The following MXI1 variants were observed in gnomAD, a reference collection of about 807,000 sequenced individuals.
MXI1 encodes MAX interactor 1, dimerization protein.
MXI1 carries 18 observed loss-of-function variants against 36.9 expected under a neutral mutation model. The ratio of observed to expected loss-of-function variants is 0.49; its 90% CI spans 0.34 to 0.72. The LOEUF (loss-of-function observed/expected upper bound fraction) is 0.72. Ranked by LOEUF, MXI1 falls within the 30% of genes least tolerant of loss-of-function variation. The pLI is 0.01. For missense variants in MXI1, 304 were observed against 379.1 expected (o/e 0.80, Z 1.64); for synonymous variants, 160 against 146.7 (o/e 1.09, Z -0.65).
chr10:110,217,387 G>A (rs183932626), intron 1 of MXI1, among the ~76,000 whole-genome samples: 40 of 152,278 alleles, frequency 2.6e-4, no homozygotes, highest in African/African-American at 8.7e-4. Flanking sequence ...AAGGTGATTT[G>A]GGAGTAGGAA....
chr10:110,208,149 C>A, intron 1 of MXI1, 67 bp downstream of exon 1: 1 of 1,505,958 alleles, frequency 6.6e-7, no homozygotes, highest in Non-Finnish European at 8.9e-7. Context: ...TTGGGCGACC[C>A]CTGTTGCGAG....
intron 3 of MXI1, among the ~76,000 whole-genome samples, chr10:110,248,814 T>G (rs1460033705): frequency 6.6e-6 from 1 of 152,158 alleles, no homozygotes; most frequent in Non-Finnish European, 1.5e-5. Flanking sequence ...GATATAGAAT[T>G]AACTTTTCCA....
At chr10:110,227,530 G>A (rs1049631050) in intron 1 of MXI1, 5 of 986,918 alleles carry the variant, frequency 5.1e-6, no homozygotes, top group South Asian at 4.6e-5. Flanking sequence ...GGAGGGCCCC[G>A]GAGCGGGAGA....
At chr10:110,263,796 T>C (rs1194708712) in intron 3 of MXI1, among the ~76,000 whole-genome samples, 1 of 152,248 alleles carries the variant, frequency 6.6e-6, no homozygotes, top group Non-Finnish European at 1.5e-5. Context: ...TTCTCACAGC[T>C]ATTTAATTTG....
At chr10:110,261,162 C>G (rs769042905) in intron 3 of MXI1, 368 of 982,208 alleles carry the variant, frequency 3.7e-4, no homozygotes, top group Admixed American at 4.3e-4. Flanking sequence ...ATGTTGGAAT[C>G]TTTCTTCCTA....
intron 2 of MXI1, among the ~76,000 whole-genome samples, chr10:110,232,075 C>T (rs1359790639): frequency 6.6e-6 from 1 of 152,116 alleles, no homozygotes; most frequent in African/African-American, 2.4e-5. Flanking sequence ...ATTCTCCTGC[C>T]TCAGCCTCCC....
chr10:110,226,152 G>C, intron 1 of MXI1: 2 of 1,363,528 alleles, frequency 1.5e-6, no homozygotes, highest in East Asian at 6.2e-5. Context: ...CGCCTGCGGC[G>C]CCTCCTGTCG....
chr10:110,218,585 G>T lies in MXI1; in HGVS notation c.275-9604G>T, dbSNP rs1854717235. On this transcript the variant is annotated intron_variant, in intron 1 of 5. Coordinates refer to ENST00000332674, the MANE Select transcript of MXI1 (RefSeq NM_130439.3). ...AGAGTGGGCTGTCAGAACCTCCAGG[G>T]CCCTTTGGGTGTTGACAGTGGAGCC... is the stretch of plus-strand genomic sequence containing the variant. 2.0e-5 allele frequency among the ~76,000 whole-genome samples: 3 copies of T among 152,154 alleles called. No individual in the cohort carries two copies. In the South Asian group the frequency reaches 6.2e-4, roughly 31 times the overall value.
At chr10:110,256,695 T>C (rs1042215466) in intron 3 of MXI1, among the ~76,000 whole-genome samples, 1 of 147,474 alleles carries the variant, frequency 6.8e-6, no homozygotes, top group African/African-American at 2.5e-5. Context: ...GAATCAAAAC[T>C]ATAAGATACC....
intron 2 of MXI1, among the ~76,000 whole-genome samples, chr10:110,238,302 T>G (rs1042777155): frequency 6.6e-6 from 1 of 152,144 alleles, no homozygotes; most frequent in African/African-American, 2.4e-5. Flanking sequence ...CCATCCCCTA[T>G]CCTGAGTTAT....
chr10:110,285,080 T>G lies in MXI1; in HGVS notation c.*93T>G. On this transcript the variant is annotated 3_prime_UTR_variant, in exon 6 of 6. Coordinates refer to ENST00000332674, the MANE Select transcript of MXI1 (RefSeq NM_130439.3). Reference sequence around the variant, plus strand: ...AAATTGGGTTCATGATGCAGTCTCCTCTTTAAAACAAAACAAAACAAAACA... The same window carrying G: ...AAATTGGGTTCATGATGCAGTCTCCGCTTTAAAACAAAACAAAACAAAACA... 8.0e-7 allele frequency: 1 copy of G among 1,251,860 alleles called. No individual in the cohort carries two copies. Among genetic ancestry groups the G allele is most frequent in the South Asian group, 1.7e-5 (1 of 58,336 alleles). The allele number at this position is 1,251,860 out of a possible 1,614,324, so 77.5% of individuals were successfully genotyped here. A position where few individuals can be genotyped will look rare whatever the true frequency, so the allele number is the denominator to read the frequency against.
intron 3 of MXI1, among the ~76,000 whole-genome samples, chr10:110,278,314 G>A (rs556356510): frequency 3.3e-5 from 5 of 152,290 alleles, no homozygotes; most frequent in Admixed American, 2.6e-4. Flanking sequence ...TTTCCCACAG[G>A]AAGGATAGAT....
chr10:110,261,158 G>C (rs187346351), intron 3 of MXI1: 1 of 983,048 alleles, frequency 1.0e-6, no homozygotes, highest in African/African-American at 1.7e-5. Flanking sequence ...CAGTATGTTG[G>C]AATCTTTCTT....
intron 1 of MXI1, chr10:110,226,205 G>T (rs761764290): frequency 1.4e-6 from 2 of 1,475,558 alleles, no homozygotes; most frequent in South Asian, 1.3e-5. Context: ...GCCACCCGCG[G>T]TGCCCATGGA....
chr10:110,238,024 G>A (rs1237782321), intron 2 of MXI1, among the ~76,000 whole-genome samples: 2 of 152,138 alleles, frequency 1.3e-5, no homozygotes, highest in Non-Finnish European at 2.9e-5. Flanking sequence ...GAGAGGTCTG[G>A]GAGGAACCTG....
At chr10:110,278,211 C>T (rs1169617192) in intron 3 of MXI1, among the ~76,000 whole-genome samples, 1 of 152,174 alleles carries the variant, frequency 6.6e-6, no homozygotes, top group Non-Finnish European at 1.5e-5. Context: ...ACTCAGAACT[C>T]TCTCATCACC....
chr10:110,285,566 A>G lies in MXI1; in HGVS notation c.*579A>G, dbSNP rs183136652. On this transcript the variant is annotated 3_prime_UTR_variant, in exon 6 of 6. Coordinates refer to ENST00000332674, the MANE Select transcript of MXI1 (RefSeq NM_130439.3). ...GAAAAAAGCTCATTTCATGCTCTGCAAAAGGAGAGACTCCCATGAAGCCTT... is the reference window on the plus strand; with the variant it reads ...GAAAAAAGCTCATTTCATGCTCTGCGAAAGGAGAGACTCCCATGAAGCCTT... 5 of 152,162 alleles carry G rather than the reference A, an allele frequency of 3.3e-5. No individual in the cohort carries two copies. The East Asian group carries it at 9.7e-4, about 29-fold the overall frequency. The allele number at this position is 152,162 out of a possible 1,614,324, so 9.4% of individuals were successfully genotyped here. A position where few individuals can be genotyped will look rare whatever the true frequency, so the allele number is the denominator to read the frequency against.
chr10:110,234,279 T>C (rs1331588149), intron 2 of MXI1, among the ~76,000 whole-genome samples: 2 of 152,200 alleles, frequency 1.3e-5, no homozygotes, highest in Non-Finnish European at 2.9e-5. Flanking sequence ...AGGACAGTTT[T>C]CTAGATACTA....
chr10:110,241,553 A>ATC (rs1381913296), intron 2 of MXI1, among the ~76,000 whole-genome samples: 1 of 151,854 alleles, frequency 6.6e-6, no homozygotes, highest in South Asian at 2.1e-4. Flanking sequence ...ATAATTAGGC[A>ATC]TCTCTCTCTG....
Sources: allele counts gnomAD v4.1 joint callset (sites outside exome capture counted in the v4.1 genomes callset), GRCh38; gene constraint gnomAD v4.1.1; transcripts MANE v1.5; gene names NCBI Gene and HGNC (gene_info 2026-07-23, HGNC 2026-07-21).